Variants in SMAD5 observed in about 807,000 individuals in gnomAD.
SMAD5 encodes the protein MAD, mothers against decapentaplegic homolog 5.
SMAD5 carries 9 observed loss-of-function variants against 43.1 expected under a neutral mutation model. The ratio of observed to expected loss-of-function variants is 0.21; its 90% CI spans 0.13 to 0.36. The LOEUF (loss-of-function observed/expected upper bound fraction) is 0.36, where lower values mean the gene tolerates loss of function less well. SMAD5 is among the 10% of genes least tolerant of loss of function. The pLI is 1.00. For synonymous variants in SMAD5, 190 were observed against 192.4 expected (o/e 0.99, Z 0.10); for missense variants, 348 against 574.0 (o/e 0.61, Z 4.02).
intron 1 of SMAD5, chr5:136,133,921 G>A (rs1274131948): frequency 1.3e-5 from 2 of 154,454 alleles, no homozygotes; most frequent in Non-Finnish European, 2.9e-5. Context: ...GGTTCTGGTG[G>A]TGATGGCATT....
At position 136,181,722 on chromosome 5, in the gene SMAD5, G is replaced by A. The variant is rs1210646607; in HGVS notation, c.*4242G>A. ...TTGGAATTCGCTGAATTACAGTTTA[G>A]TATGTCCTGATTACAGAGTGACAAT... On this transcript the variant is annotated 3_prime_UTR_variant, in exon 8 of 8. Coordinates refer to ENST00000545279, the MANE Select transcript of SMAD5 (RefSeq NM_005903.7). 1 of 152,200 alleles carries A rather than the reference G, an allele frequency of 6.6e-6. No individual in the cohort carries two copies. The highest frequency in any genetic ancestry group is 1.5e-5 in the Non-Finnish European group (1 of 68,012). The allele number at this position is 152,200 out of a possible 1,614,324, so 9.4% of individuals were successfully genotyped here.
chr5:136,173,615 A>C (rs1281554394), intron 6 of SMAD5, among the ~76,000 whole-genome samples: 9 of 151,986 alleles, frequency 5.9e-5, no homozygotes, highest in Non-Finnish European at 1.2e-4. Flanking sequence ...ATTTAAGGGA[A>C]ATCTATTTTG....
Position 136,160,968 on chromosome 5 carries a change from G to A in SMAD5, c.516G>A (p.Thr172=), listed in dbSNP as rs371132923. Reference sequence around the variant, plus strand: ...AACCACACATGCCACAAAATGCCACGTTTCCAGATTCTTTCCACCAGCCCA... The same window carrying A: ...AACCACACATGCCACAAAATGCCACATTTCCAGATTCTTTCCACCAGCCCA... ...HNEPHMPQNA[T]FPDSFHQPNN... Residue 172 remains threonine, a synonymous_variant, in exon 4 of 8, where the codon ACG becomes ACA. Coordinates refer to ENST00000545279, the MANE Select transcript of SMAD5 (RefSeq NM_005903.7). The A allele has an allele frequency of 3.1e-6, 5 of 1,613,822 alleles. No individual in the cohort carries two copies. The highest frequency in any genetic ancestry group is 2.2e-5 in the East Asian group (1 of 44,880).
intron 2 of SMAD5, among the ~76,000 whole-genome samples, chr5:136,149,429 T>TGG: frequency 6.6e-6 from 1 of 151,906 alleles, no homozygotes; most frequent in Non-Finnish European, 1.5e-5. Context: ...TAATGTATAT[T>TGG]CCTACTATCA....
chr5:136,161,008 C>T lies in SMAD5; in HGVS notation c.556C>T (p.Pro186Ser). The T allele has an allele frequency of 6.2e-7, 1 of 1,613,942 alleles. No individual in the cohort carries two copies. Among genetic ancestry groups the T allele is most frequent in the African/African-American group, 1.3e-5 (1 of 75,012 alleles). The change falls in exon 4 of 8, where the codon CCC becomes TCC. Residue 186 changes from proline (P) to serine (S), a missense_variant. This residue lies in a region of SMAD5 where 185 missense variants were observed against 207.0 expected (regional missense o/e 0.89). Transcript: ENST00000545279. ...SFHQPNNTPF[P>S]LSPNSPYPPS... ...CCACCAGCCCAACAACACTCCTTTT[C>T]CCTTATCTCCAAACAGCCCTTATCC...
chr5:136,174,000 A>T (rs1039364834), intron 6 of SMAD5, among the ~76,000 whole-genome samples: 2 of 151,872 alleles, frequency 1.3e-5, no homozygotes, highest in Middle Eastern at 6.8e-3. Context: ...AAGTCTGTCA[A>T]ATGACTGTTT....
At chr5:136,167,088 G>A (rs1040242254) in intron 5 of SMAD5, among the ~76,000 whole-genome samples, 3 of 152,108 alleles carry the variant, frequency 2.0e-5, no homozygotes, top group Non-Finnish European at 2.9e-5. Flanking sequence ...GCAACAATAC[G>A]TCTTCTGCCT....
In SMAD5 at chr5:136,154,098, CT is replaced by C; in HGVS notation, c.342del (p.Phe114LeufsTer27). 6.3e-7 allele frequency: 1 copy of C among 1,592,988 alleles called. No homozygotes were observed. Among genetic ancestry groups the C allele is most frequent in the Non-Finnish European group, 8.6e-7 (1 of 1,169,158 alleles). On this transcript the variant is annotated frameshift_variant, in exon 3 of 8. Coordinates refer to ENST00000545279, the MANE Select transcript of SMAD5 (RefSeq NM_005903.7). LOFTEE classifies it high-confidence loss of function. Reference sequence around the variant, plus strand: ...AAGCCGTTGGATATTTGTGAATTTCCTTTTGGATCTAAGCAAAAAGAAGTTT... The same window carrying C: ...AAGCCGTTGGATATTTGTGAATTTCCTTTGGATCTAAGCAAAAAGAAGTTT... ...ELKPLDICEFPFGSKQKEVCI... is the reference protein window; with the variant it reads ...ELKPLDICEFXFGSKQKEVCI...
chr5:136,139,119 C>T (rs574245473), intron 1 of SMAD5, among the ~76,000 whole-genome samples: 1 of 139,180 alleles, frequency 7.2e-6, no homozygotes, highest in South Asian at 2.2e-4. Flanking sequence ...AGAAATCTAG[C>T]TGTGAGCTCT....
At chr5:136,155,262 C>A (rs950344414) in intron 3 of SMAD5, among the ~76,000 whole-genome samples, 1 of 152,086 alleles carries the variant, frequency 6.6e-6, no homozygotes, top group Non-Finnish European at 1.5e-5. Flanking sequence ...ATTGCTAATG[C>A]CCTAAACTGC....
intron 1 of SMAD5, among the ~76,000 whole-genome samples, chr5:136,138,105 G>A (rs1380626743): frequency 2.0e-5 from 3 of 152,192 alleles, no homozygotes; most frequent in Non-Finnish European, 4.4e-5. Context: ...AGGCTCTGTG[G>A]GGGTGAGTGA....
rs1398864626 is a variant in SMAD5 at position 136,181,314 on chromosome 5, T to A, written c.*3834T>A. On this transcript the variant is annotated 3_prime_UTR_variant, in exon 8 of 8. Transcript: ENST00000545279. The stretch of plus-strand genomic sequence containing the variant: ...CATTTTAACTTTAAAGAATGTCAGA[T>A]CCCTTCTTTGTCTTACTAGTTAAAT... 6.6e-6 allele frequency: 1 copy of A among 152,160 alleles called. No homozygotes were observed. The highest frequency in any genetic ancestry group is 1.5e-5 in the Non-Finnish European group (1 of 67,988). The allele number at this position is 152,160 out of a possible 1,614,324, so 9.4% of individuals were successfully genotyped here.
At chr5:136,147,358 A>G (rs1267522422) in intron 1 of SMAD5, 1 of 151,868 alleles carries the variant, frequency 6.6e-6, no homozygotes, top group Non-Finnish European at 1.5e-5. Flanking sequence ...GAAAATGAGC[A>G]AATTAAGCTG....
At chr5:136,161,227 T>C in intron 4 of SMAD5, 120 bp downstream of exon 4, 1 of 838,268 alleles carries the variant, frequency 1.2e-6, no homozygotes, top group Non-Finnish European at 1.9e-6. Context: ...TTTCTGACTC[T>C]TTATTCTTTA....
chr5:136,156,222 AG>A (rs1452596336), intron 3 of SMAD5, among the ~76,000 whole-genome samples: 1 of 152,214 alleles, frequency 6.6e-6, no homozygotes, highest in Non-Finnish European at 1.5e-5. Flanking sequence ...TAAGGAAGAG[AG>A]GGTCTTCTGG....
intron 1 of SMAD5, among the ~76,000 whole-genome samples, chr5:136,139,275 A>G (rs533486421): frequency 2.1e-4 from 32 of 152,192 alleles, no homozygotes; most frequent in African/African-American, 7.2e-4. Flanking sequence ...ACCTTAGGTA[A>G]GAACAGGACC....
rs1028981207 is a variant in SMAD5 at position 136,178,263 on chromosome 5, ATGTT to A, written c.*786_*789del. ...AGTGCATGCACAGCCTTGTTCAACT[ATGTT>A]TGCTGCTTTTGGACAATGTTGCAAG... On this transcript the variant is annotated 3_prime_UTR_variant, in exon 8 of 8. Coordinates refer to ENST00000545279, the MANE Select transcript of SMAD5 (RefSeq NM_005903.7). The A allele has an allele frequency of 6.6e-5, 10 of 152,622 alleles. No homozygotes were observed. Among genetic ancestry groups the A allele is most frequent in the African/African-American group, 2.4e-4 (10 of 41,440 alleles). The allele number at this position is 152,622 out of a possible 1,614,324, so 9.5% of individuals were successfully genotyped here.
At position 136,178,513 on chromosome 5, in the gene SMAD5, T is replaced by TAA. The variant is rs1754507683; in HGVS notation, c.*1034_*1035dup. ...TTTGTTTTACTTTCAACCTAGGTTA[T>TAA]AAGACTGTTATTCTATAGCTCCAAC... On this transcript the variant is annotated 3_prime_UTR_variant, in exon 8 of 8. Coordinates refer to ENST00000545279, the MANE Select transcript of SMAD5 (RefSeq NM_005903.7). The TAA allele has an allele frequency of 6.6e-6, 1 of 152,252 alleles. No homozygotes were observed. The highest frequency in any genetic ancestry group is 2.1e-4 in the South Asian group (1 of 4,834). 9.4% of individuals were successfully genotyped at this position (152,252 alleles called of 1,614,324 possible). A position where few individuals can be genotyped will look rare whatever the true frequency, so the allele number is the denominator to read the frequency against.
intron 6 of SMAD5, among the ~76,000 whole-genome samples, chr5:136,174,039 T>C (rs1349062576): frequency 6.6e-6 from 1 of 152,018 alleles, no homozygotes; most frequent in Non-Finnish European, 1.5e-5. Flanking sequence ...GAGGATTTAT[T>C]TGAAAGGACT....
Sources: gnomAD v4.1 joint callset for allele counts (sites outside exome capture counted in the v4.1 genomes callset) on GRCh38, gnomAD v4.1.1 for gene constraint, gnomAD v4.1.1 regional missense constraint, MANE v1.5 for transcripts, NCBI Gene and HGNC (gene_info 2026-07-23, HGNC 2026-07-21) for gene names.